The following LARGE1 variants were observed in gnomAD, a reference collection of about 807,000 sequenced individuals.
The protein encoded by LARGE1 is xylosyl- and glucuronyltransferase LARGE1.
A neutral mutation model predicts 87.6 loss-of-function variants in LARGE1; 43 were observed. The ratio of observed to expected loss-of-function variants is 0.49; its 90% CI spans 0.38 to 0.63. The LOEUF (loss-of-function observed/expected upper bound fraction) is 0.63, where lower values mean the gene tolerates loss of function less well. Ranked by LOEUF, LARGE1 falls within the 30% of genes least tolerant of loss-of-function variation. The probability of loss-of-function intolerance (pLI) is 0.00; values close to 1 mark genes in which losing one functional copy is unlikely to be tolerated. For synonymous variants in LARGE1, 434 were observed against 394.6 expected, an observed-to-expected ratio of 1.10 and a Z score of -1.18; for missense variants, 802 against 1,000.2, an observed-to-expected ratio of 0.80 and a Z score of 2.67.
intron 1 of LARGE1, among the ~76,000 whole-genome samples, chr22:33,811,065 G>C (rs16993070): frequency 6.6e-6 from 1 of 152,024 alleles, no homozygotes; most frequent in Non-Finnish European, 1.5e-5. Context: ...TGATTAATGC[G>C]TGAGTGGAAG....
chr22:33,702,239 A>C (rs1422279442), intron 2 of LARGE1, among the ~76,000 whole-genome samples: 1 of 152,202 alleles, frequency 6.6e-6, no homozygotes, highest in African/African-American at 2.4e-5. Context: ...GGCATTCAAT[A>C]TGCATTTGCT....
At chr22:33,644,673 A>AG (rs1456729228) in intron 3 of LARGE1, among the ~76,000 whole-genome samples, 2 of 152,240 alleles carry the variant, frequency 1.3e-5, no homozygotes, top group Non-Finnish European at 2.9e-5. Flanking sequence ...CCATCTTCTC[A>AG]GCCCAAAACT....
At chr22:33,348,716 G>T (rs530180620) in intron 9 of LARGE1, among the ~76,000 whole-genome samples, 5 of 143,026 alleles carry the variant, frequency 3.5e-5, no homozygotes, top group Non-Finnish European at 7.7e-5. Context: ...TTTGCTTTTT[G>T]TTTTTTTTTT....
At chr22:33,914,958 T>G (rs2065739611) in intron 1 of LARGE1, among the ~76,000 whole-genome samples, 1 of 151,792 alleles carries the variant, frequency 6.6e-6, no homozygotes, top group South Asian at 2.1e-4. Context: ...AAGCATCCTG[T>G]CTCCCAATCA....
At chr22:33,180,411 C>T (rs568387419) in intron 11 of LARGE1, among the ~76,000 whole-genome samples, 3 of 152,288 alleles carry the variant, frequency 2.0e-5, no homozygotes, top group South Asian at 2.1e-4. Flanking sequence ...GATTTTAAAA[C>T]GATAACAGGT....
At chr22:33,360,442 C>T (rs2064344713) in intron 9 of LARGE1, among the ~76,000 whole-genome samples, 2 of 149,796 alleles carry the variant, frequency 1.3e-5, no homozygotes, top group Admixed American at 6.6e-5. Context: ...AACTTACAAT[C>T]ATGGCAGAAG....
At chr22:33,407,501 A>G (rs1162529214) in intron 7 of LARGE1, among the ~76,000 whole-genome samples, 1 of 152,136 alleles carries the variant, frequency 6.6e-6, no homozygotes, top group Non-Finnish European at 1.5e-5. Context: ...TTGTGCCTAT[A>G]TAGGAAATTA....
At chr22:33,838,532 G>A (rs541590274) in intron 1 of LARGE1, among the ~76,000 whole-genome samples, 227 of 152,254 alleles carry the variant, frequency 1.5e-3, no homozygotes, top group African/African-American at 5.2e-3. Context: ...CCAGCTACTT[G>A]GGAGGCTGAG....
intron 7 of LARGE1, among the ~76,000 whole-genome samples, chr22:33,416,437 G>T (rs2066485716): frequency 6.6e-6 from 1 of 152,034 alleles, no homozygotes; most frequent in Admixed American, 6.6e-5. Context: ...CTCCACTCTA[G>T]CTCTCGGAAT....
chr22:33,074,148 A>G, the LARGE1 span, among the ~76,000 whole-genome samples: 2 of 152,104 alleles, frequency 1.3e-5, no homozygotes, highest in Non-Finnish European at 2.9e-5. Flanking sequence ...TCAGGAGGAG[A>G]ACATGTGGCT....
the LARGE1 span, among the ~76,000 whole-genome samples, chr22:33,143,024 C>T: frequency 2.6e-5 from 4 of 152,196 alleles, no homozygotes; most frequent in Non-Finnish European, 5.9e-5. Flanking sequence ...AAGCCACTTC[C>T]TCTACCTGGC....
At chr22:33,141,188 TCTCTCTCA>T in the LARGE1 span, among the ~76,000 whole-genome samples, 4 of 146,430 alleles carry the variant, frequency 2.7e-5, no homozygotes, top group South Asian at 2.1e-4. Flanking sequence ...TCTCTCTCTC[TCTCTCTCA>T]CACACACACA....
intron 7 of LARGE1, among the ~76,000 whole-genome samples, chr22:33,421,534 CCAGA>C (rs990630528): frequency 7.9e-5 from 12 of 152,134 alleles, no homozygotes; most frequent in Admixed American, 2.6e-4. Flanking sequence ...AGGCAAGAGG[CCAGA>C]CATACTGCAG....
intron 1 of LARGE1, among the ~76,000 whole-genome samples, chr22:33,872,031 G>T (rs576378541): frequency 1.4e-4 from 21 of 150,884 alleles, no homozygotes; most frequent in Admixed American, 4.6e-4. Flanking sequence ...AAGGAATGAG[G>T]AACTAGGGTG....
At chr22:33,396,237 T>C (rs1208486311) in intron 7 of LARGE1, among the ~76,000 whole-genome samples, 1 of 152,176 alleles carries the variant, frequency 6.6e-6, no homozygotes, top group Non-Finnish European at 1.5e-5. Context: ...ATCGCAACCT[T>C]CCTCCCTTCT....
intron 7 of LARGE1, among the ~76,000 whole-genome samples, chr22:33,392,247 T>A (rs1254815159): frequency 6.6e-6 from 1 of 151,780 alleles, no homozygotes; most frequent in Non-Finnish European, 1.5e-5. Context: ...AGTCCTGATA[T>A]CACTGCTTAA....
intron 1 of LARGE1, among the ~76,000 whole-genome samples, chr22:33,863,879 A>T (rs747467555): frequency 8.5e-5 from 13 of 152,188 alleles, no homozygotes; most frequent in Non-Finnish European, 1.8e-4. Context: ...GAGGAGGCCA[A>T]TGTCTGGGGC....
At chr22:33,232,041 C>T (rs1438834953) in intron 11 of LARGE1, among the ~76,000 whole-genome samples, 1 of 152,166 alleles carries the variant, frequency 6.6e-6, no homozygotes, top group East Asian at 1.9e-4. Flanking sequence ...ACTTGCTAAC[C>T]ATTCACAGCC....
At chr22:33,431,132 G>A (rs913590600) in intron 7 of LARGE1, among the ~76,000 whole-genome samples, 4 of 152,218 alleles carry the variant, frequency 2.6e-5, no homozygotes, top group African/African-American at 9.6e-5. Context: ...CAGTGGCAAT[G>A]AGGATGGAGG....
Sources: allele counts gnomAD v4.1 joint callset (sites outside exome capture counted in the v4.1 genomes callset), GRCh38; gene constraint gnomAD v4.1.1; transcripts MANE v1.5; gene names NCBI Gene and HGNC (gene_info 2026-07-23, HGNC 2026-07-21).